IGSF10: variants seen among roughly 807,000 people sequenced by gnomAD.
The protein encoded by IGSF10 is immunoglobulin superfamily member 10, also known as calvaria mechanical force protein 608.
IGSF10 carries 126 observed loss-of-function variants against 128.2 expected under a neutral mutation model. The ratio of observed to expected loss-of-function variants is 0.98; its 90% CI spans 0.85 to 1.14. The LOEUF (loss-of-function observed/expected upper bound fraction) is 1.14. Among genes scored for constraint, IGSF10 ranks in the 50% most tolerant of loss-of-function variants. IGSF10 has a pLI of 0.00. For missense variants in IGSF10, 3,295 were observed against 3,149.8 expected, an observed-to-expected ratio of 1.05 and a Z score of -1.10; for synonymous variants, 1,185 against 1,146.2, an observed-to-expected ratio of 1.03 and a Z score of -0.68.
At chr3:151,528,797 G>C in the IGSF10 span, among the ~76,000 whole-genome samples, 2 of 82,350 alleles carry the variant, frequency 2.4e-5, no homozygotes, top group Non-Finnish European at 2.5e-5. Context: ...GCTAGCTGCA[G>C]GAGTTTTTTT....
chr3:151,438,328 G>T lies in IGSF10; in HGVS notation c.6233C>A (p.Thr2078Asn). 6.2e-7 allele frequency: 1 copy of T among 1,614,138 alleles called. No homozygotes were observed. The highest frequency in any genetic ancestry group is 8.5e-7 in the Non-Finnish European group (1 of 1,180,002). The change falls in exon 8 of 8, where the codon ACC (threonine) becomes AAC (asparagine). Residue 2078 changes from threonine to asparagine, a missense_variant. Physicochemically the swap from Thr to Asn is moderately conservative, Grantham distance 65. Transcript: ENST00000282466. ...PEISWSLPDG[T>N]MINNAMQADD... ...GGCTTGCATTGCATTGTTGATCATGGTTCCATCAGGCAAACTCCAAGATAT... is the reference window on the plus strand; with the variant it reads ...GGCTTGCATTGCATTGTTGATCATGTTTCCATCAGGCAAACTCCAAGATAT...
At chr3:151,589,567 C>T in the IGSF10 span, among the ~76,000 whole-genome samples, 8 of 152,256 alleles carry the variant, frequency 5.3e-5, no homozygotes, top group East Asian at 1.5e-3. Flanking sequence ...TGTTCTTTGG[C>T]CACAGAAGAA....
chr3:151,539,199 T>C, the IGSF10 span, among the ~76,000 whole-genome samples: 3 of 152,182 alleles, frequency 2.0e-5, no homozygotes, highest in African/African-American at 7.2e-5. Context: ...TACACATGAC[T>C]ACAGAAGAGT....
the IGSF10 span, among the ~76,000 whole-genome samples, chr3:151,528,993 C>G: frequency 0.44 from 67,342 of 151,548 alleles, 15,357 homozygotes; most frequent in South Asian, 0.55. Flanking sequence ...CTGAGGTCAA[C>G]CTGGGATGCT....
At position 151,442,017 on chromosome 3, in the gene IGSF10, T is replaced by C. The variant is rs552273767; in HGVS notation, c.5963+967A>G. On this transcript the variant is annotated intron_variant, in intron 7 of 7. Transcript: ENST00000282466. ...CGGAGCTTGCAGTGAGCAGAGATCC[T>C]GCCACTGCACTCCAGCCTGGGCGAC... Among the ~76,000 whole-genome samples, 224 of 152,332 alleles carry C rather than the reference T, an allele frequency of 1.5e-3. 1 individual carries two copies. The highest frequency in any genetic ancestry group is 6.8e-3 in the Middle Eastern group (2 of 292).
At chr3:151,563,012 A>G in the IGSF10 span, among the ~76,000 whole-genome samples, 1 of 152,086 alleles carries the variant, frequency 6.6e-6, no homozygotes, top group Non-Finnish European at 1.5e-5. Context: ...CCTGCATTCT[A>G]AGGGATGGGC....
the IGSF10 span, among the ~76,000 whole-genome samples, chr3:151,512,681 T>A: frequency 6.6e-6 from 1 of 151,966 alleles, no homozygotes; most frequent in East Asian, 1.9e-4. Context: ...CAGGAGCTGG[T>A]TTTTTGAAAG....
chr3:151,541,675 TCTTA>T, the IGSF10 span, among the ~76,000 whole-genome samples: 1 of 152,226 alleles, frequency 6.6e-6, no homozygotes, highest in South Asian at 2.1e-4. Context: ...TATTATTTCA[TCTTA>T]CTAATACCTC....
the IGSF10 span, among the ~76,000 whole-genome samples, chr3:151,487,321 A>T: frequency 6.6e-6 from 1 of 152,232 alleles, no homozygotes; most frequent in African/African-American, 2.4e-5. Context: ...ACAAGTTCTG[A>T]AATTGAGGCA....
the IGSF10 span, among the ~76,000 whole-genome samples, chr3:151,492,882 A>T: frequency 6.6e-6 from 1 of 152,148 alleles, no homozygotes; most frequent in Admixed American, 6.5e-5. Flanking sequence ...GATTGGAAAC[A>T]GTCTGTCTGT....
chr3:151,444,881 C>G, intron 6 of IGSF10, 38 bp downstream of exon 6: 1 of 1,511,444 alleles, frequency 6.6e-7, no homozygotes, highest in Non-Finnish European at 8.9e-7. Flanking sequence ...TTCTTGTTTT[C>G]TAACAAAAAC....
chr3:151,573,255 C>A, the IGSF10 span, among the ~76,000 whole-genome samples: 1 of 152,132 alleles, frequency 6.6e-6, no homozygotes, highest in Non-Finnish European at 1.5e-5. Flanking sequence ...CTGCTTGGTG[C>A]AGAGTGAGTT....
chr3:151,539,059 C>A, the IGSF10 span, among the ~76,000 whole-genome samples: 4 of 152,168 alleles, frequency 2.6e-5, no homozygotes, highest in Non-Finnish European at 5.9e-5. Context: ...TGGCAGATGG[C>A]GATCAAAATA....
the IGSF10 span, among the ~76,000 whole-genome samples, chr3:151,599,112 T>A: frequency 6.6e-6 from 1 of 152,186 alleles, no homozygotes; most frequent in Non-Finnish European, 1.5e-5. Context: ...GCTGAGCAGT[T>A]TGCTGGCTGG....
intron 4 of IGSF10, among the ~76,000 whole-genome samples, chr3:151,454,489 A>G (rs145556231): frequency 9.8e-5 from 15 of 152,296 alleles, no homozygotes; most frequent in African/African-American, 3.6e-4. Context: ...CAGGTGAGAC[A>G]TCTGCTATGA....
In IGSF10 at chr3:151,446,846, A is replaced by G. The variant is rs1721225149; in HGVS notation, c.3135T>C (p.Gly1045=). The G allele has an allele frequency of 6.2e-6, 10 of 1,614,114 alleles. No individual in the cohort carries two copies. The highest frequency in any genetic ancestry group is 8.5e-6 in the Non-Finnish European group (10 of 1,180,008). ...RYSIFRSTTR[G]SSEKSTTAFS... ...ATGCAGTAGTGCTTTTTTCAGAAGAACCTCTGGTTGTTGACCTGAAAATGC... is the reference window on the plus strand; with the variant it reads ...ATGCAGTAGTGCTTTTTTCAGAAGAGCCTCTGGTTGTTGACCTGAAAATGC... The change falls in exon 6 of 8, where the codon GGT becomes GGC. Residue 1045 remains glycine (G), a synonymous_variant. Transcript: ENST00000282466.
chr3:151,601,514 C>T, the IGSF10 span, among the ~76,000 whole-genome samples: 1 of 152,154 alleles, frequency 6.6e-6, no homozygotes, highest in Non-Finnish European at 1.5e-5. Flanking sequence ...AAATAAGAAA[C>T]TCTTGCTTTG....
At chr3:151,441,296 A>C (rs943407010) in intron 7 of IGSF10, among the ~76,000 whole-genome samples, 2 of 152,228 alleles carry the variant, frequency 1.3e-5, no homozygotes, top group South Asian at 4.1e-4. Flanking sequence ...GGTTTCCCAG[A>C]GTGGAAGACA....
the IGSF10 span, among the ~76,000 whole-genome samples, chr3:151,562,396 C>A: frequency 6.6e-6 from 1 of 152,098 alleles, no homozygotes; most frequent in Non-Finnish European, 1.5e-5. Context: ...TATGGAGTAG[C>A]CATTCTTTAT....
Sources: allele counts gnomAD v4.1 joint callset (sites outside exome capture counted in the v4.1 genomes callset), GRCh38; gene constraint gnomAD v4.1.1; transcripts MANE v1.5; gene names NCBI Gene and HGNC (gene_info 2026-07-23, HGNC 2026-07-21).